The following EML6 variants were observed in gnomAD, a reference collection of about 807,000 sequenced individuals.
EML6 encodes the protein echinoderm microtubule-associated protein-like 6.
In EML6, 154 loss-of-function variants were observed where a neutral mutation model predicts 240.1. That is an observed-to-expected ratio of 0.64 (90% CI 0.56 to 0.73). The LOEUF (loss-of-function observed/expected upper bound fraction) is 0.73, where lower values mean the gene tolerates loss of function less well. Among genes scored for constraint, EML6 ranks in the 30% least tolerant of loss-of-function variants. The probability of loss-of-function intolerance (pLI) is 0.00; values close to 1 mark genes in which losing one functional copy is unlikely to be tolerated. For synonymous variants in EML6, 1,148 were observed against 899.0 expected (o/e 1.28, Z -4.95); for missense variants, 2,964 against 2,474.6 (o/e 1.20, Z -4.20).
intron 2 of EML6, among the ~76,000 whole-genome samples, chr2:54,785,863 T>G (rs1669059709): frequency 6.6e-6 from 1 of 152,048 alleles, no homozygotes. Context: ...GTGTATTTAC[T>G]GGGAAAATTT....
Position 54,954,062 on chromosome 2 carries a change from G to A in EML6, c.4392G>A (p.Gly1464=). Residue 1464 remains glycine, a synonymous_variant, in exon 32 of 42, where the codon GGG becomes GGA. Transcript: ENST00000356458. ...TGCTGCGGTGCTTCCACTCCAAGGG[G>A]GTGAATTACATCAACTTCAGTGCAA... ...LSMLRCFHSK[G]VNYINFSATG... is the part of the protein sequence containing the mutation. 6.4e-7 allele frequency: 1 copy of A among 1,551,730 alleles called. No homozygotes were observed. The highest frequency in any genetic ancestry group is 8.7e-7 in the Non-Finnish European group (1 of 1,146,940).
intron 11 of EML6, among the ~76,000 whole-genome samples, chr2:54,854,173 TG>T (rs1237434854): frequency 6.6e-6 from 1 of 152,226 alleles, no homozygotes; most frequent in Non-Finnish European, 1.5e-5. Context: ...TCCGTTAAAA[TG>T]TTGTAACTAA....
At chr2:54,856,312 C>T (rs1020085537) in intron 11 of EML6, among the ~76,000 whole-genome samples, 2 of 152,206 alleles carry the variant, frequency 1.3e-5, no homozygotes, top group South Asian at 2.1e-4. Flanking sequence ...TGACAATTTT[C>T]CATGTCCTAA....
intron 7 of EML6, among the ~76,000 whole-genome samples, chr2:54,843,316 T>C (rs1259707275): frequency 6.6e-6 from 1 of 152,124 alleles, no homozygotes; most frequent in Non-Finnish European, 1.5e-5. Flanking sequence ...TAGTCCCAGT[T>C]ACTTGGGAGG....
At position 54,971,876 on chromosome 2, in the gene EML6, TG is replaced by T. The variant is rs1164630506; in HGVS notation, c.*1783del. On this transcript the variant is annotated 3_prime_UTR_variant, in exon 42 of 42. Transcript: ENST00000356458. ...AAAAACTTATTTGTAAACGTTTATATGGTATGATTTTGATTTTATGTATGTT... is the reference window on the plus strand; with the variant it reads ...AAAAACTTATTTGTAAACGTTTATATGTATGATTTTGATTTTATGTATGTT... 1 of 152,236 alleles carries T rather than the reference TG, an allele frequency of 6.6e-6. No homozygotes were observed. The highest frequency in any genetic ancestry group is 1.5e-5 in the Non-Finnish European group (1 of 68,038). 9.4% of individuals were successfully genotyped at this position (152,236 alleles called of 1,614,324 possible). A position where few individuals can be genotyped will look rare whatever the true frequency, so the allele number is the denominator to read the frequency against.
chr2:54,909,780 G>A (rs939355492), intron 24 of EML6, among the ~76,000 whole-genome samples: 2 of 148,586 alleles, frequency 1.3e-5, no homozygotes, highest in African/African-American at 5.0e-5. Context: ...AGAGGCAGAG[G>A]TTGCAGTGAG....
intron 28 of EML6, among the ~76,000 whole-genome samples, chr2:54,940,546 G>A (rs1187677977): frequency 1.3e-5 from 2 of 152,160 alleles, no homozygotes; most frequent in African/African-American, 2.4e-5. Flanking sequence ...TGTGTCTAAC[G>A]TGGTACCTTA....
chr2:54,945,972 A>G (rs1675676994), intron 28 of EML6, among the ~76,000 whole-genome samples: 1 of 152,164 alleles, frequency 6.6e-6, no homozygotes, highest in Non-Finnish European at 1.5e-5. Context: ...CAGGCACTGA[A>G]GAGCAGGGCC....
At chr2:54,861,283 C>A (rs1670658968) in intron 12 of EML6, among the ~76,000 whole-genome samples, 3 of 152,192 alleles carry the variant, frequency 2.0e-5, no homozygotes, top group Non-Finnish European at 4.4e-5. Flanking sequence ...TAGCTCCCAC[C>A]TGTCTCCTTA....
intron 2 of EML6, among the ~76,000 whole-genome samples, chr2:54,792,635 T>C (rs1184718616): frequency 6.6e-6 from 1 of 152,354 alleles, no homozygotes; most frequent in South Asian, 2.1e-4. Context: ...CTCACAGAAC[T>C]GTACACTAAA....
intron 22 of EML6, among the ~76,000 whole-genome samples, chr2:54,901,316 G>T (rs907103943): frequency 2.9e-4 from 44 of 152,250 alleles, no homozygotes; most frequent in African/African-American, 9.1e-4. Context: ...TTTACACTAG[G>T]CTCCTGGGGA....
In EML6 at chr2:54,935,674, C is replaced by G. The variant is rs144108530; in HGVS notation, c.4004+6923C>G. On this transcript the variant is annotated intron_variant, in intron 28 of 41. Coordinates refer to ENST00000356458, the MANE Select transcript of EML6 (RefSeq NM_001039753.4). ...GTTTGTTACTTTTAAAAATTGTAGT[C>G]TTATATTCACATTATGTTTTGTTAT... Among the ~76,000 whole-genome samples the G allele has an allele frequency of 5.9e-3, 891 of 152,220 alleles. 18 individuals carry two copies. Among genetic ancestry groups the G allele is most frequent in the Admixed American group, 0.042 (641 of 15,294 alleles).
At position 54,971,077 on chromosome 2, in the gene EML6, G is replaced by C. The variant is rs1382240501; in HGVS notation, c.*982G>C. The C allele has an allele frequency of 6.6e-6, 1 of 152,214 alleles. No homozygotes were observed. Among genetic ancestry groups the C allele is most frequent in the Non-Finnish European group, 1.5e-5 (1 of 68,046 alleles). The allele number at this position is 152,214 out of a possible 1,614,324, so 9.4% of individuals were successfully genotyped here. A position where few individuals can be genotyped will look rare whatever the true frequency, so the allele number is the denominator to read the frequency against. The stretch of plus-strand genomic sequence containing the variant: ...CTTAAGATAAATGAGGGTAACCCAA[G>C]GCTGCACCTTGGTGTACCACCCTGA... On this transcript the variant is annotated 3_prime_UTR_variant, in exon 42 of 42. Transcript: ENST00000356458.
chr2:54,785,539 CTACAGAGG>C (rs1366054770), intron 2 of EML6, among the ~76,000 whole-genome samples: 1 of 152,140 alleles, frequency 6.6e-6, no homozygotes, highest in Non-Finnish European at 1.5e-5. Context: ...TAGCAAAGTA[CTACAGAGG>C]TACAGTGTGC....
intron 13 of EML6, among the ~76,000 whole-genome samples, chr2:54,864,545 G>A (rs781077017): frequency 5.9e-5 from 9 of 152,154 alleles, no homozygotes; most frequent in Non-Finnish European, 1.3e-4. Flanking sequence ...TAACCATGGG[G>A]GTTCTCTTTT....
intron 2 of EML6, among the ~76,000 whole-genome samples, chr2:54,758,281 C>T (rs1353158561): frequency 1.3e-5 from 2 of 152,062 alleles, no homozygotes; most frequent in African/African-American, 4.8e-5. Flanking sequence ...CTGAGTCTTC[C>T]TTACAGTGAC....
At chr2:54,941,182 T>C (rs1261542662) in intron 28 of EML6, among the ~76,000 whole-genome samples, 1 of 152,262 alleles carries the variant, frequency 6.6e-6, no homozygotes, top group Non-Finnish European at 1.5e-5. Context: ...ATAGTTTCAA[T>C]ATTTTCAATG....
chr2:54,894,861 G>A, intron 19 of EML6, 54 bp from the exon 20 acceptor site: 1 of 1,251,242 alleles, frequency 8.0e-7, no homozygotes, highest in South Asian at 1.3e-5. Context: ...GGGGCCAAGT[G>A]GGTAATTGGT....
intron 2 of EML6, among the ~76,000 whole-genome samples, chr2:54,777,914 T>G (rs374249423): frequency 1.4e-4 from 21 of 152,212 alleles, no homozygotes; most frequent in East Asian, 3.8e-4. Flanking sequence ...ATAAAATTTT[T>G]GGGGAATATT....
Sources: gnomAD v4.1 joint callset for allele counts (sites outside exome capture counted in the v4.1 genomes callset) on GRCh38, gnomAD v4.1.1 for gene constraint, MANE v1.5 for transcripts, NCBI Gene and HGNC (gene_info 2026-07-23, HGNC 2026-07-21) for gene names.